The following GRSF1 variants were observed in gnomAD, a reference collection of about 807,000 sequenced individuals.
The protein encoded by GRSF1 is G-rich sequence factor 1.
GRSF1 carries 50 observed loss-of-function variants against 51.1 expected under a neutral mutation model. The ratio of observed to expected loss-of-function variants is 0.98; its 90% CI spans 0.78 to 1.24. GRSF1 has a LOEUF of 1.24. GRSF1 is among the 50% of genes most tolerant of loss of function. GRSF1 has a pLI of 0.00. For synonymous variants in GRSF1, 293 were observed against 253.3 expected (o/e 1.16, Z -1.49); for missense variants, 700 against 639.7 (o/e 1.09, Z -1.02).
At chr4:70,830,477 G>A (rs1428826491) in intron 5 of GRSF1, among the ~76,000 whole-genome samples, 1 of 150,732 alleles carries the variant, frequency 6.6e-6, no homozygotes, top group East Asian at 1.9e-4. Flanking sequence ...CACACACACA[G>A]AGAATTATGG....
chr4:70,840,962 G>A (rs373421742), upstream of GRSF1, among the ~76,000 whole-genome samples: 7 of 152,094 alleles, frequency 4.6e-5, no homozygotes, highest in Admixed American at 3.3e-4. Flanking sequence ...GGTACCCCCC[G>A]AATTTGAGGT....
chr4:70,833,088 C>A, intron 3 of GRSF1, 30 bp downstream of exon 3: 1 of 1,598,144 alleles, frequency 6.3e-7, no homozygotes, highest in Non-Finnish European at 8.5e-7. Flanking sequence ...ATGCAATGAT[C>A]CCAAAAAGCC....
At chr4:70,828,088 C>T (rs929345607) in intron 5 of GRSF1, 52 bp from the exon 6 acceptor site, 33 of 1,278,748 alleles carry the variant, frequency 2.6e-5, no homozygotes, top group Non-Finnish European at 3.6e-5. Context: ...TAACTTTATA[C>T]TGAACTCATT....
rs577909875 is a variant in GRSF1, at chr4:70,823,974, C to CTTTTTTTTTTTTTTTTTTTTTT, written c.*25+319_*25+320insAAAAAAAAAAAAAAAAAAAAAA. ...AAATAATTTCCACAGTTGTATCTCT[C>CTTTTTTTTTTTTTTTTTTTTTT]TCTTTTTTTTTTTTTTTTTTGAGTC... On this transcript the variant is annotated intron_variant, in intron 9 of 9. Transcript: ENST00000254799. Among the ~76,000 whole-genome samples, 21 of 100,932 alleles carry CTTTTTTTTTTTTTTTTTTTTTT rather than the reference C, an allele frequency of 2.1e-4. 10 individuals are homozygous for CTTTTTTTTTTTTTTTTTTTTTT. Among genetic ancestry groups the CTTTTTTTTTTTTTTTTTTTTTT allele is most frequent in the Non-Finnish European group, 2.8e-4 (15 of 53,520 alleles). 66.2% of individuals were successfully genotyped at this position (100,932 alleles called of 152,430 possible). A position where few individuals can be genotyped will look rare whatever the true frequency, so the allele number is the denominator to read the frequency against.
At chr4:70,821,800 C>T (rs570519826) in intron 9 of GRSF1, among the ~76,000 whole-genome samples, 3 of 151,692 alleles carry the variant, frequency 2.0e-5, no homozygotes, top group South Asian at 2.1e-4. Context: ...CTCAGCCTTC[C>T]CAGTAGCTGG....
At chr4:70,821,996 AT>A in intron 9 of GRSF1, among the ~76,000 whole-genome samples, 1 of 152,206 alleles carries the variant, frequency 6.6e-6, no homozygotes, top group East Asian at 1.9e-4. Flanking sequence ...TCAAGAAATC[AT>A]TACAGGTAAG....
chr4:70,834,329 C>A (rs1734107153), intron 2 of GRSF1, among the ~76,000 whole-genome samples: 1 of 151,842 alleles, frequency 6.6e-6, no homozygotes, highest in Non-Finnish European at 1.5e-5. Context: ...GATATGTAAA[C>A]CCTCCAAACA....
intron 5 of GRSF1, among the ~76,000 whole-genome samples, 183 bp downstream of exon 5, chr4:70,831,356 A>G (rs1578302944): frequency 1.4e-5 from 2 of 141,546 alleles, no homozygotes; most frequent in African/African-American, 5.3e-5. Flanking sequence ...ACTCTGTCTC[A>G]AAAAAAAAAA....
chr4:70,820,643 T>C lies in GRSF1; in HGVS notation c.*244A>G. 6.6e-6 allele frequency: 1 copy of C among 152,380 alleles called. No homozygotes were observed. The highest frequency in any genetic ancestry group is 1.5e-5 in the Non-Finnish European group (1 of 68,052). The allele number at this position is 152,380 out of a possible 1,614,324, so 9.4% of individuals were successfully genotyped here. A position where few individuals can be genotyped will look rare whatever the true frequency, so the allele number is the denominator to read the frequency against. On this transcript the variant is annotated 3_prime_UTR_variant, in exon 10 of 10. Coordinates refer to ENST00000254799, the MANE Select transcript of GRSF1 (RefSeq NM_002092.4). ...ACAAAGACCATATTTTTAAATCAGA[T>C]CCTGGACAGTTTAAACAAAAATTTT... is the stretch of plus-strand genomic sequence containing the variant.
In GRSF1 at chr4:70,839,622, C is replaced by G. The variant is rs1324074679; in HGVS notation, c.206G>C (p.Gly69Ala). Residue 69 changes from glycine (G) to alanine (A), a missense_variant, in exon 1 of 10, where the codon GGG becomes GCG. Transcript: ENST00000254799. ...AASQTRGLQT[G>A]PVPPGRLAGP... ...CGCCAGCCTCCCGGGAGGCACAGGC[C>G]CGGTCTGGAGGCCACGCGTCTGGGA... 2.8e-6 allele frequency: 4 copies of G among 1,406,666 alleles called. No individual in the cohort carries two copies. Among genetic ancestry groups the G allele is most frequent in the Non-Finnish European group, 3.7e-6 (4 of 1,090,172 alleles). The allele number at this position is 1,406,666 out of a possible 1,614,324, so 87.1% of individuals were successfully genotyped here.
Position 70,820,515 on chromosome 4 carries a change from CTTT to C in GRSF1, c.*369_*371del, listed in dbSNP as rs1733459310. ...ATTCACAGGCAAAAAAAAAAAGTTA[CTTT>C]TTAAATGAAACCGTTTAAAGAACAC... On this transcript the variant is annotated 3_prime_UTR_variant, in exon 10 of 10. Transcript: ENST00000254799. 1 of 152,280 alleles carries C rather than the reference CTTT, an allele frequency of 6.6e-6. No homozygotes were observed. The highest frequency in any genetic ancestry group is 1.5e-5 in the Non-Finnish European group (1 of 67,958). The allele number at this position is 152,280 out of a possible 1,614,324, so 9.4% of individuals were successfully genotyped here.
At chr4:70,842,339 T>C (rs1734476290), upstream of GRSF1, among the ~76,000 whole-genome samples, 4 of 152,212 alleles carry the variant, frequency 2.6e-5, no homozygotes, top group South Asian at 8.3e-4. Flanking sequence ...TCAGTAATCC[T>C]GTAACTTCCC....
chr4:70,823,016 GA>G (rs1472141186), intron 9 of GRSF1, among the ~76,000 whole-genome samples: 1 of 152,154 alleles, frequency 6.6e-6, no homozygotes, highest in Non-Finnish European at 1.5e-5. Flanking sequence ...AGAATCACTT[GA>G]ACCCAGGAGG....
chr4:70,836,443 TC>T (rs1734212933), intron 1 of GRSF1, 129 bp from the exon 2 acceptor site: 7 of 662,578 alleles, frequency 1.1e-5, no homozygotes, highest in Non-Finnish European at 1.7e-5. Flanking sequence ...AAAGTAAACT[TC>T]ACCAATGTAA....
intron 9 of GRSF1, among the ~76,000 whole-genome samples, chr4:70,823,250 AG>A (rs1366555712): frequency 6.6e-6 from 1 of 151,882 alleles, no homozygotes; most frequent in Non-Finnish European, 1.5e-5. Context: ...TACAAAAATT[AG>A]CTGGGCGTGG....
intron 9 of GRSF1, among the ~76,000 whole-genome samples, chr4:70,822,335 C>T (rs1026722099): frequency 1.3e-5 from 2 of 152,118 alleles, no homozygotes; most frequent in African/African-American, 4.8e-5. Flanking sequence ...GTAATCCCAG[C>T]ACTTTGGGAG....
At chr4:70,834,138 T>A (rs1817379) in intron 2 of GRSF1, among the ~76,000 whole-genome samples, 138,631 of 152,218 alleles carry the variant, frequency 0.91, 64,161 homozygotes, top group East Asian at 1. Context: ...AGGTGCCTGC[T>A]GTCCCACCAA....
chr4:70,828,308 G>C (rs982434098), intron 5 of GRSF1, among the ~76,000 whole-genome samples: 4 of 152,098 alleles, frequency 2.6e-5, no homozygotes, highest in African/African-American at 9.7e-5. Flanking sequence ...TGCTTCATGA[G>C]AACAACTATG....
chr4:70,831,592 T>A lies in GRSF1; in HGVS notation c.897A>T (p.Glu299Asp). Residue 299 changes from glutamate to aspartate, a missense_variant, in exon 5 of 10, where the codon GAA becomes GAT. Glu to Asp is a conservative substitution (Grantham distance 45). Transcript: ENST00000254799. ...ACAGGGCTTGGTTGGCCATTTCTGG[T>A]TCTTCAAATTGCACATAGGCTTCCC... ...KTGEAYVQFE[E>D]PEMANQALLK... is the part of the protein sequence containing the mutation. 6.2e-7 allele frequency: 1 copy of A among 1,613,776 alleles called. No homozygotes were observed. Among genetic ancestry groups the A allele is most frequent in the Non-Finnish European group, 8.5e-7 (1 of 1,179,738 alleles).
Sources: allele counts gnomAD v4.1 joint callset (sites outside exome capture counted in the v4.1 genomes callset), GRCh38; gene constraint gnomAD v4.1.1; transcripts MANE v1.5; gene names NCBI Gene and HGNC (gene_info 2026-07-23, HGNC 2026-07-21).